Variants in PTPRN2 observed in about 807,000 individuals in gnomAD.
The protein encoded by PTPRN2 is protein tyrosine phosphatase receptor type N2.
PTPRN2 carries 74 observed loss-of-function variants against 118.8 expected under a neutral mutation model. The ratio of observed to expected loss-of-function variants is 0.62; its 90% CI spans 0.52 to 0.76. The LOEUF is 0.76. PTPRN2 is among the 30% of genes least tolerant of loss of function. The probability of loss-of-function intolerance (pLI) is 0.00; values close to 1 mark genes in which losing one functional copy is unlikely to be tolerated. For missense variants in PTPRN2, 1,481 were observed against 1,394.4 expected (o/e 1.06, Z -0.99); for synonymous variants, 641 against 608.0 (o/e 1.05, Z -0.80).
intron 11 of PTPRN2, among the ~76,000 whole-genome samples, chr7:158,071,395 TGCTCGTGGTGGAGTTGCTCCTGGTGGTG>T (rs1811562762): frequency 1.5e-4 from 12 of 78,134 alleles, no homozygotes; most frequent in African/African-American, 5.5e-4. Flanking sequence ...GTGGTGGAGG[TGCTCGTGGTGGAGTTGCTCCTGGTGGTG>T]GAGGTGCTCG....
At position 157,899,943 on chromosome 7, in the gene PTPRN2, G is replaced by A. The variant is rs932183749; in HGVS notation, c.1724-1206C>T. Among the ~76,000 whole-genome samples, 28 of 152,150 alleles carry A rather than the reference G, an allele frequency of 1.8e-4. No homozygotes were observed. In the East Asian group the frequency reaches 3.5e-3, roughly 19 times the overall value. ...GTGGCAAGAGAGCTATAAGGCCATC[G>A]GTGCTGCTGTCCTCCCGCAAACAGA... On this transcript the variant is annotated intron_variant, in intron 11 of 22. Coordinates refer to ENST00000389418, the MANE Select transcript of PTPRN2 (RefSeq NM_002847.5).
intron 6 of PTPRN2, among the ~76,000 whole-genome samples, chr7:158,161,045 T>C (rs993005131): frequency 2.0e-5 from 3 of 152,212 alleles, no homozygotes; most frequent in Non-Finnish European, 4.4e-5. Context: ...GGGATTTTGA[T>C]ATTTCAGGAT....
At chr7:158,313,686 G>A (rs1802060607) in intron 3 of PTPRN2, among the ~76,000 whole-genome samples, 1 of 152,224 alleles carries the variant, frequency 6.6e-6, no homozygotes, top group South Asian at 2.1e-4. Flanking sequence ...CAGGTGCCAG[G>A]AATGTGGACA....
At chr7:158,481,345 T>A (rs559520986) in intron 2 of PTPRN2, among the ~76,000 whole-genome samples, 1 of 152,374 alleles carries the variant, frequency 6.6e-6, no homozygotes, top group Non-Finnish European at 1.5e-5. Context: ...TCATCAGCAG[T>A]GCACCAGTCA....
chr7:157,567,295 G>C (rs914512905), intron 21 of PTPRN2, among the ~76,000 whole-genome samples: 2 of 152,188 alleles, frequency 1.3e-5, no homozygotes, highest in African/African-American at 4.8e-5. Flanking sequence ...TTTTGTTTTT[G>C]TTTGCACATT....
chr7:158,176,504 G>T (rs1030440695), intron 5 of PTPRN2, among the ~76,000 whole-genome samples: 4 of 152,176 alleles, frequency 2.6e-5, no homozygotes, highest in Non-Finnish European at 5.9e-5. Flanking sequence ...CAAACACGCC[G>T]AGTGAACAGA....
At chr7:157,814,540 C>A (rs1217660578) in intron 12 of PTPRN2, among the ~76,000 whole-genome samples, 1 of 116,640 alleles carries the variant, frequency 8.6e-6, no homozygotes, top group Non-Finnish European at 1.7e-5. Flanking sequence ...GGGGGCAGGA[C>A]AGAGGGAGGA....
At chr7:158,449,989 A>C (rs1817989423) in intron 2 of PTPRN2, among the ~76,000 whole-genome samples, 3 of 152,228 alleles carry the variant, frequency 2.0e-5, no homozygotes, top group Non-Finnish European at 4.4e-5. Context: ...ACTCACACAG[A>C]AACGTCCTCA....
intron 12 of PTPRN2, among the ~76,000 whole-genome samples, chr7:157,840,236 TGTGTGACTGTGTAACCGC>T (rs1166513882): frequency 6.2e-5 from 9 of 146,138 alleles, no homozygotes; most frequent in Non-Finnish European, 1.2e-4. Context: ...TGTGTGACTG[TGTGTGACTGTGTAACCGC>T]GTGTGACTGT....
intron 12 of PTPRN2, among the ~76,000 whole-genome samples, chr7:157,765,139 C>G (rs1384475000): frequency 6.6e-6 from 1 of 151,532 alleles, no homozygotes. Flanking sequence ...CCCCATCCAT[C>G]CTTCATCCAT....
chr7:157,666,146 AAG>A (rs1796127510), intron 13 of PTPRN2, among the ~76,000 whole-genome samples: 1 of 152,110 alleles, frequency 6.6e-6, no homozygotes, highest in Non-Finnish European at 1.5e-5. Flanking sequence ...AAAAAAAAAA[AAG>A]AAAAAAAATT....
intron 12 of PTPRN2, among the ~76,000 whole-genome samples, chr7:157,747,774 A>G (rs1744720230): frequency 8.0e-6 from 1 of 125,114 alleles, no homozygotes; most frequent in East Asian, 2.7e-4. Flanking sequence ...GGTGATTCTG[A>G]GGCCTGCGTC....
At position 157,794,319 on chromosome 7, in the gene PTPRN2, C is replaced by T. The variant is rs1804728644; in HGVS notation, c.1788+104354G>A. Among the ~76,000 whole-genome samples, 1 of 152,060 alleles carries T rather than the reference C, an allele frequency of 6.6e-6. No individual in the cohort carries two copies. The highest frequency in any genetic ancestry group is 2.4e-5 in the African/African-American group (1 of 41,420). ...CCCTCGTTCTCTGCTCTGACCCGGG[C>T]TCACACCTCCCTGCTCCACCCAGGC... is the stretch of plus-strand genomic sequence containing the variant. On this transcript the variant is annotated intron_variant, in intron 12 of 22. Coordinates refer to ENST00000389418, the MANE Select transcript of PTPRN2 (RefSeq NM_002847.5). This position sits in a 1 kb window ranked among gnomAD's most constrained non-coding sequence, Gnocchi z 5.2.
chr7:158,110,325 C>A (rs1585470602), intron 10 of PTPRN2, among the ~76,000 whole-genome samples: 1 of 152,388 alleles, frequency 6.6e-6, no homozygotes, highest in East Asian at 1.9e-4. Flanking sequence ...ACCAGCCCTG[C>A]ATGCCTCATG....
intron 1 of PTPRN2, among the ~76,000 whole-genome samples, chr7:158,536,627 C>T (rs1319561367): frequency 1.3e-5 from 2 of 148,670 alleles, no homozygotes; most frequent in African/African-American, 5.0e-5. Flanking sequence ...CAGGATGTGA[C>T]TCAGGAAGAC....
intron 2 of PTPRN2, among the ~76,000 whole-genome samples, chr7:158,336,678 A>G (rs1303767076): frequency 7.8e-6 from 1 of 128,616 alleles, no homozygotes; most frequent in Admixed American, 7.8e-5. Flanking sequence ...TCTCACCATA[A>G]GAGCTGACGC....
chr7:158,188,620 C>G (rs112035161), intron 5 of PTPRN2, among the ~76,000 whole-genome samples: 9 of 131,282 alleles, frequency 6.9e-5, no homozygotes, highest in East Asian at 2.5e-4. Flanking sequence ...CACGCTCGCC[C>G]CCTGATGGGG....
chr7:157,901,896 C>T lies in PTPRN2; in HGVS notation c.1724-3159G>A, dbSNP rs146704113. 6.0e-3 allele frequency among the ~76,000 whole-genome samples: 758 copies of T among 125,466 alleles called. 1 individual carries two copies. Among genetic ancestry groups the T allele is most frequent in the African/African-American group, 0.031 (675 of 21,562 alleles). 82.3% of individuals were successfully genotyped at this position (125,466 alleles called of 152,430 possible). On this transcript the variant is annotated intron_variant, in intron 11 of 22. Coordinates refer to ENST00000389418, the MANE Select transcript of PTPRN2 (RefSeq NM_002847.5). ...GGTCCTGAGGCGGGGCCTTCCCGTC[C>T]GTGTTTCCTGGGTCCTGAGGCGGGG...
chr7:158,064,157 G>A lies in PTPRN2; in HGVS notation c.1723+17141C>T, dbSNP rs188974008. Among the ~76,000 whole-genome samples, 320 of 152,318 alleles carry A rather than the reference G, an allele frequency of 2.1e-3. 2 individuals carry two copies. Among genetic ancestry groups the A allele is most frequent in the Non-Finnish European group, 3.6e-3 (242 of 68,036 alleles). On this transcript the variant is annotated intron_variant, in intron 11 of 22. Coordinates refer to ENST00000389418, the MANE Select transcript of PTPRN2 (RefSeq NM_002847.5). ...TCTAAGTACAAACCTTCCCACATAC[G>A]AGGACAGAGAAACCTGGGGTGAATT... is the stretch of plus-strand genomic sequence containing the variant.
Sources: allele counts gnomAD v4.1 joint callset (sites outside exome capture counted in the v4.1 genomes callset), GRCh38; gene constraint gnomAD v4.1.1; non-coding constraint Gnocchi (gnomAD v3.1); transcripts MANE v1.5; gene names NCBI Gene and HGNC (gene_info 2026-07-23, HGNC 2026-07-21).